SIN3A: variants seen among roughly 807,000 people sequenced by gnomAD.
The protein encoded by SIN3A is paired amphipathic helix protein Sin3a.
In SIN3A, 14 loss-of-function variants were observed where a neutral mutation model predicts 146.1. The observed-to-expected ratio is 0.10, with a 90% CI of 0.06 to 0.15. The LOEUF (loss-of-function observed/expected upper bound fraction) is 0.15, where lower values mean the gene tolerates loss of function less well. SIN3A is among the 10% of genes least tolerant of loss of function. The pLI, the probability that SIN3A is intolerant of heterozygous loss-of-function variation, is 1.00. For synonymous variants in SIN3A, 572 were observed against 572.0 expected, an observed-to-expected ratio of 1.00 and a Z score of 0.00; for missense variants, 1,028 against 1,576.0, an observed-to-expected ratio of 0.65 and a Z score of 5.89.
At chr15:75,453,788 C>T (rs2074445630), upstream of SIN3A, 2 of 152,448 alleles carry the variant, frequency 1.3e-5, no homozygotes, top group African/African-American at 2.4e-5. Context: ...AAAGGCAGAT[C>T]TCAAACCCAG....
chr15:75,402,081 A>C, intron 9 of SIN3A, 111 bp from the exon 10 acceptor site: 1 of 685,532 alleles, frequency 1.5e-6, no homozygotes, highest in Non-Finnish European at 2.6e-6. Context: ...ATCTCAGCTC[A>C]CTGCAGCCTC....
chr15:75,389,686 G>T lies in SIN3A; in HGVS notation c.2987C>A (p.Thr996Asn). 1 of 1,614,098 alleles carries T rather than the reference G, an allele frequency of 6.2e-7. No homozygotes were observed. The highest frequency in any genetic ancestry group is 8.5e-7 in the Non-Finnish European group (1 of 1,180,014). The change falls in exon 16 of 21, where the codon ACC becomes AAC. Residue 996 changes from threonine to asparagine, a missense_variant. Transcript: ENST00000394947. ...AATGCTCTGGATCAGTTTGTCCATG[G>T]TAAAGGCAATGTAGGCATGAATGGT... Reference protein sequence around the residue: ...MFTIHAYIAFTMDKLIQSIVR... With the variant: ...MFTIHAYIAFNMDKLIQSIVR...
chr15:75,412,991 G>T lies in SIN3A; in HGVS notation c.528C>A (p.Pro176=), dbSNP rs773186502. 1.1e-4 allele frequency: 181 copies of T among 1,613,916 alleles called. 4 individuals are homozygous for T. The South Asian group carries it at 2.0e-3, about 18-fold the overall frequency. Residue 176 remains proline, a synonymous_variant, in exon 5 of 21, where the codon CCC becomes CCA. Coordinates refer to ENST00000394947, the MANE Select transcript of SIN3A (RefSeq NM_001145358.2). ...SRVSQLFKGH[P]DLIMGFNTFL... ...AGGTGTTGAATCCCATTATCAGATC[G>T]GGGTGGCCTTTGAATAGCTGGGACA...
rs200236526 is a variant in SIN3A at position 75,392,801 on chromosome 15, A to G, written c.2292T>C (p.Ala764=). The G allele has an allele frequency of 5.6e-6, 9 of 1,609,794 alleles. No homozygotes were observed. In the African/African-American group the frequency reaches 1.2e-4, roughly 21 times the overall value. ...ESIYDERQEQ[A]TEENAGVPVG... ...CAGGTACACCAGCATTCTCCTCCGTAGCCTGCTCTTGCCTCTGATGGGACA... is the reference window on the plus strand; with the variant it reads ...CAGGTACACCAGCATTCTCCTCCGTGGCCTGCTCTTGCCTCTGATGGGACA... Residue 764 remains alanine (A), a synonymous_variant, in exon 15 of 21, where the codon GCT becomes GCC. Coordinates refer to ENST00000394947, the MANE Select transcript of SIN3A (RefSeq NM_001145358.2).
intron 3 of SIN3A, chr15:75,422,229 TAA>T: frequency 2.8e-5 from 7 of 246,342 alleles, no homozygotes; most frequent in South Asian, 1.0e-4. Context: ...AACTAAAAAC[TAA>T]AAAAAAAAAT....
At chr15:75,455,273 C>T (rs2074473062), upstream of SIN3A, among the ~76,000 whole-genome samples, 1 of 152,160 alleles carries the variant, frequency 6.6e-6, no homozygotes, top group Non-Finnish European at 1.5e-5. Context: ...ACTCCGAGCG[C>T]CGCGAGCTCA....
intron 10 of SIN3A, 100 bp from the exon 11 acceptor site, chr15:75,401,040 C>T (rs1159527563): frequency 7.7e-6 from 6 of 781,600 alleles, no homozygotes; most frequent in Non-Finnish European, 1.3e-5. Context: ...AAATCTGCTA[C>T]CAGGGATGAA....
intron 19 of SIN3A, among the ~76,000 whole-genome samples, chr15:75,377,794 G>A (rs1263895662): frequency 2.0e-5 from 3 of 152,170 alleles, no homozygotes; most frequent in Non-Finnish European, 1.5e-5. Context: ...AAGCACTTGA[G>A]CAATTGCTTG....
chr15:75,437,970 G>C (rs1288682916), intron 1 of SIN3A, among the ~76,000 whole-genome samples: 1 of 151,866 alleles, frequency 6.6e-6, no homozygotes, highest in Non-Finnish European at 1.5e-5. Context: ...GATTAAGCAA[G>C]ATTGCACCAC....
chr15:75,406,928 A>C, intron 9 of SIN3A, 127 bp downstream of exon 9: 1 of 581,186 alleles, frequency 1.7e-6, no homozygotes, highest in Non-Finnish European at 3.0e-6. Context: ...CACAACTGGG[A>C]AACTATGTTA....
chr15:75,389,947 T>C, intron 15 of SIN3A, 126 bp from the exon 16 acceptor site: 1 of 800,378 alleles, frequency 1.2e-6, no homozygotes, highest in Non-Finnish European at 2.0e-6. Flanking sequence ...ATTCAAAATA[T>C]ACTCACTCAT....
chr15:75,391,057 A>G (rs2073191019), intron 15 of SIN3A, among the ~76,000 whole-genome samples: 1 of 152,392 alleles, frequency 6.6e-6, no homozygotes, highest in East Asian at 1.9e-4. Context: ...CAGGCAAAAC[A>G]GGACAAATAC....
intron 6 of SIN3A, 121 bp downstream of exon 6, chr15:75,411,371 A>G: frequency 9.2e-7 from 1 of 1,087,772 alleles, no homozygotes; most frequent in Non-Finnish European, 1.3e-6. Context: ...AACATGCATG[A>G]TAGTTTCTAA....
chr15:75,416,773 C>T (rs1447908543), intron 3 of SIN3A, among the ~76,000 whole-genome samples: 3 of 152,166 alleles, frequency 2.0e-5, no homozygotes, highest in Non-Finnish European at 4.4e-5. Flanking sequence ...GGACCTAACC[C>T]CCAATAACTG....
rs2072756249 is a variant in SIN3A, at chr15:75,371,805, C to A, written c.*174G>T. 5 of 610,870 alleles carry A rather than the reference C, an allele frequency of 8.2e-6. No individual in the cohort carries two copies. The Admixed American group carries it at 1.5e-4, about 18-fold the overall frequency. The allele number at this position is 610,870 out of a possible 1,614,324, so 37.8% of individuals were successfully genotyped here. On this transcript the variant is annotated 3_prime_UTR_variant, in exon 21 of 21. Transcript: ENST00000394947. The stretch of plus-strand genomic sequence containing the variant: ...CTTTGTAAGGTATTCATGTTCCTAA[C>A]AGGTAGCCCACTTGGTGCCAGGCTG...
intron 15 of SIN3A, among the ~76,000 whole-genome samples, chr15:75,390,204 A>T (rs1257208145): frequency 1.3e-5 from 2 of 152,204 alleles, no homozygotes; most frequent in African/African-American, 4.8e-5. Context: ...CATTCCTCAC[A>T]TGGGTCACTT....
At chr15:75,397,555 T>TG (rs1428880255) in intron 12 of SIN3A, among the ~76,000 whole-genome samples, 2 of 152,208 alleles carry the variant, frequency 1.3e-5, no homozygotes, top group African/African-American at 2.4e-5. Context: ...CCAAATCCCC[T>TG]GCTAAACATC....
intron 1 of SIN3A, among the ~76,000 whole-genome samples, chr15:75,434,376 G>A (rs144271276): frequency 6.6e-6 from 1 of 152,278 alleles, no homozygotes; most frequent in East Asian, 1.9e-4. Context: ...TAGGCCGGGC[G>A]CGGTGGCTCA....
chr15:75,395,871 C>T (rs1595896806), intron 13 of SIN3A, among the ~76,000 whole-genome samples: 1 of 152,208 alleles, frequency 6.6e-6, no homozygotes, highest in East Asian at 1.9e-4. Flanking sequence ...CACTACTGCA[C>T]TCCAGCCTGG....
Sources: gnomAD v4.1 joint callset for allele counts (sites outside exome capture counted in the v4.1 genomes callset) on GRCh38, gnomAD v4.1.1 for gene constraint, MANE v1.5 for transcripts, NCBI Gene and HGNC (gene_info 2026-07-23, HGNC 2026-07-21) for gene names.